WDR82: variants seen among roughly 807,000 people sequenced by gnomAD.
WDR82 encodes WD repeat domain 82.
A neutral mutation model predicts 36.1 loss-of-function variants in WDR82; 8 were observed. That is an observed-to-expected ratio of 0.22 (90% CI 0.13 to 0.40). The LOEUF (loss-of-function observed/expected upper bound fraction) is 0.40. WDR82 is among the 10% of genes least tolerant of loss of function. WDR82 has a pLI of 1.00. For missense variants in WDR82, 185 were observed against 400.5 expected, an observed-to-expected ratio of 0.46 and a Z score of 4.59; for synonymous variants, 129 against 137.8, an observed-to-expected ratio of 0.94 and a Z score of 0.45.
intron 3 of WDR82, among the ~76,000 whole-genome samples, chr3:52,266,258 C>T (rs1019409251): frequency 6.6e-6 from 1 of 152,072 alleles, no homozygotes; most frequent in African/African-American, 2.4e-5. Context: ...TAAACACAAA[C>T]AGTCCTTTAT....
chr3:52,258,524 C>T lies in WDR82; in HGVS notation c.912+12G>A, dbSNP rs1216636129. ...GTCCCTGAGTAGCAGATACCTCTTA[C>T]TGTTCACATACCATGTTGGAACACG... On this transcript the variant is annotated intron_variant, in intron 8 of 8. Coordinates refer to ENST00000296490, the MANE Select transcript of WDR82 (RefSeq NM_025222.4). The T allele has an allele frequency of 1.2e-6, 2 of 1,613,132 alleles. No individual in the cohort carries two copies. Among genetic ancestry groups the T allele is most frequent in the Middle Eastern group, 1.9e-4 (1 of 5,326 alleles).
intron 2 of WDR82, 78 bp from the exon 3 acceptor site, chr3:52,267,096 C>T: frequency 8.4e-7 from 1 of 1,185,006 alleles, no homozygotes; most frequent in South Asian, 1.2e-5. Context: ...CTTAAAAAGA[C>T]AAGGTCAAAT....
At chr3:52,265,566 C>CTTTT (rs959125432) in intron 3 of WDR82, among the ~76,000 whole-genome samples, 8 of 120,744 alleles carry the variant, frequency 6.6e-5, no homozygotes, top group Non-Finnish European at 1.0e-4. Flanking sequence ...GGAAGTGCAA[C>CTTTT]TTTTTTTTTT....
intron 3 of WDR82, among the ~76,000 whole-genome samples, chr3:52,266,280 T>A (rs1025961292): frequency 2.2e-4 from 34 of 152,272 alleles, no homozygotes; most frequent in African/African-American, 8.2e-4. Flanking sequence ...AAGGGATATG[T>A]GAGATTTGGT....
intron 1 of WDR82, among the ~76,000 whole-genome samples, chr3:52,274,624 G>A (rs1343888600): frequency 7.9e-5 from 12 of 152,106 alleles, no homozygotes; most frequent in African/African-American, 2.7e-4. Context: ...GCCGGGTGCG[G>A]AGGCTCACAT....
intron 3 of WDR82, among the ~76,000 whole-genome samples, chr3:52,262,202 G>C (rs1700067784): frequency 6.6e-6 from 1 of 152,156 alleles, no homozygotes; most frequent in African/African-American, 2.4e-5. Context: ...GTCTAGAATA[G>C]GCAAATCTAT....
chr3:52,264,099 G>A (rs1288318419), intron 3 of WDR82, among the ~76,000 whole-genome samples: 2 of 152,148 alleles, frequency 1.3e-5, no homozygotes, highest in African/African-American at 2.4e-5. Flanking sequence ...GGAGGTGGAG[G>A]TTGCAGTGAG....
intron 1 of WDR82, among the ~76,000 whole-genome samples, chr3:52,275,735 T>A: frequency 6.6e-6 from 1 of 152,024 alleles, no homozygotes; most frequent in East Asian, 1.9e-4. Context: ...GATACAAAAA[T>A]TAGCCAGGCA....
At chr3:52,273,570 T>C (rs960992284) in intron 1 of WDR82, among the ~76,000 whole-genome samples, 1 of 152,230 alleles carries the variant, frequency 6.6e-6, no homozygotes, top group African/African-American at 2.4e-5. Flanking sequence ...CCTGAGATTT[T>C]TTTTCCTGAT....
At chr3:52,275,092 A>G (rs1191625876) in intron 1 of WDR82, among the ~76,000 whole-genome samples, 1 of 149,766 alleles carries the variant, frequency 6.7e-6, no homozygotes, top group East Asian at 2.0e-4. Context: ...GTGGTGGCGC[A>G]TGCCTGTAAT....
At chr3:52,269,095 A>G (rs1267065707) in intron 2 of WDR82, among the ~76,000 whole-genome samples, 3 of 152,190 alleles carry the variant, frequency 2.0e-5, no homozygotes, top group African/African-American at 7.2e-5. Flanking sequence ...GATTACAGGC[A>G]TGAGCCACTA....
chr3:52,268,183 G>A, intron 2 of WDR82: 3 of 368,428 alleles, frequency 8.1e-6, no homozygotes, highest in South Asian at 5.9e-5. Flanking sequence ...CCTGCCCTAA[G>A]AAGAAAAAGA....
In WDR82 at chr3:52,266,981, G is replaced by A; in HGVS notation, c.297C>T (p.Tyr99=). The A allele has an allele frequency of 6.2e-7, 1 of 1,611,258 alleles. No individual in the cohort carries two copies. The highest frequency in any genetic ancestry group is 8.5e-7 in the Non-Finnish European group (1 of 1,178,128). ...IRYLSLHDNK[Y]IRYFPGHSKR... The stretch of plus-strand genomic sequence containing the variant: ...TGCTATGTCCAGGAAAGTATCTGAT[G>A]TATTTGTTGTCATGCAAGGACAAGT... The change falls in exon 3 of 9, where the codon TAC becomes TAT. Residue 99 remains tyrosine, a synonymous_variant. Transcript: ENST00000296490.
chr3:52,260,002 C>G (rs753288449), intron 5 of WDR82, 130 bp from the exon 6 acceptor site: 2 of 1,174,342 alleles, frequency 1.7e-6, no homozygotes, highest in Non-Finnish European at 2.3e-6. Context: ...CTCTGCCACT[C>G]TCTAATATCT....
At chr3:52,275,020 G>A (rs1435551791) in intron 1 of WDR82, among the ~76,000 whole-genome samples, 4 of 152,054 alleles carry the variant, frequency 2.6e-5, no homozygotes, top group East Asian at 1.9e-4. Flanking sequence ...TCGGGAATTC[G>A]AGACCAGCCT....
chr3:52,272,069 G>A (rs1032234006), intron 1 of WDR82, among the ~76,000 whole-genome samples: 1 of 151,934 alleles, frequency 6.6e-6, no homozygotes, highest in East Asian at 1.9e-4. Flanking sequence ...CAGCCTCTGC[G>A]ACAGAGTGAG....
chr3:52,267,296 C>G (rs1700114310), intron 2 of WDR82: 1 of 302,402 alleles, frequency 3.3e-6, no homozygotes, highest in South Asian at 2.9e-5. Flanking sequence ...TACAATGCAA[C>G]TCCCACCCTG....
At chr3:52,267,791 T>C (rs369009731) in intron 2 of WDR82, 1 of 152,398 alleles carries the variant, frequency 6.6e-6, no homozygotes, top group African/African-American at 2.4e-5. Flanking sequence ...ATGGTGGCGG[T>C]AGAGAAATGA....
intron 1 of WDR82, among the ~76,000 whole-genome samples, chr3:52,276,513 T>C (rs1330560675): frequency 1.3e-5 from 2 of 152,044 alleles, no homozygotes; most frequent in African/African-American, 4.8e-5. Context: ...TACGCCAAAT[T>C]TGGGGACAAA....
Sources: allele counts gnomAD v4.1 joint callset (sites outside exome capture counted in the v4.1 genomes callset), GRCh38; gene constraint gnomAD v4.1.1; transcripts MANE v1.5; gene names NCBI Gene and HGNC (gene_info 2026-07-23, HGNC 2026-07-21).